ROBO2: variants seen among roughly 807,000 people sequenced by gnomAD.
ROBO2 encodes the protein roundabout homolog 2.
A neutral mutation model predicts 160.8 loss-of-function variants in ROBO2; 53 were observed. That is an observed-to-expected ratio of 0.33 (90% CI 0.26 to 0.41). The LOEUF is 0.41. Among genes scored for constraint, ROBO2 ranks in the 10% least tolerant of loss-of-function variants. ROBO2 has a pLI of 1.00. For synonymous variants in ROBO2, 664 were observed against 611.7 expected (o/e 1.09, Z -1.26); for missense variants, 1,577 against 1,722.4 (o/e 0.92, Z 1.49).
Position 76,381,359 on chromosome 3 carries a change from T to C in ROBO2, c.109+443757T>C, listed in dbSNP as rs193194262. Among the ~76,000 whole-genome samples the C allele has an allele frequency of 1.8e-4, 27 of 149,544 alleles. No homozygotes were observed. In the East Asian group the frequency reaches 5.0e-3, roughly 28 times the overall value. On this transcript the variant is annotated intron_variant, in intron 2 of 26. Coordinates refer to the ROBO2 transcript ENST00000487694. ...CTATTATTATTATTTTATTTTGTTA[T>C]TATTTTTTTGAGATGGAGTCTCGCT...
intron 2 of ROBO2, among the ~76,000 whole-genome samples, chr3:76,697,534 C>A (rs2092952714): frequency 6.6e-6 from 1 of 152,094 alleles, no homozygotes; most frequent in South Asian, 2.1e-4. Flanking sequence ...GTGGTCCCAG[C>A]TACTCAGGAG....
At chr3:76,321,298 C>T (rs1380016134) in intron 2 of ROBO2, among the ~76,000 whole-genome samples, 3 of 152,138 alleles carry the variant, frequency 2.0e-5, no homozygotes, top group Non-Finnish European at 2.9e-5. Flanking sequence ...GGGCGGATCA[C>T]GAGGTCAAGA....
At chr3:76,194,311 CTT>C (rs1454790019) in intron 2 of ROBO2, among the ~76,000 whole-genome samples, 1 of 135,480 alleles carries the variant, frequency 7.4e-6, no homozygotes, top group Non-Finnish European at 1.6e-5. Flanking sequence ...TCTCTCCTCT[CTT>C]TTTATGTATA....
rs538682659 is a variant in ROBO2, at chr3:76,705,090, G to A, written c.110-392924G>A. Among the ~76,000 whole-genome samples, 70 of 152,182 alleles carry A rather than the reference G, an allele frequency of 4.6e-4. No homozygotes were observed. In the South Asian group the frequency reaches 7.1e-3, roughly 15 times the overall value. ...CAAAGCAGTCACGGACAATAGGTAAGTGAATGAGATTTTAGTTACACAAAT... is the reference window on the plus strand; with the variant it reads ...CAAAGCAGTCACGGACAATAGGTAAATGAATGAGATTTTAGTTACACAAAT... On this transcript the variant is annotated intron_variant, in intron 2 of 26. Transcript: ENST00000487694.
chr3:77,119,882 T>G (rs75209318), intron 2 of ROBO2, among the ~76,000 whole-genome samples: 1 of 152,234 alleles, frequency 6.6e-6, no homozygotes, highest in Non-Finnish European at 1.5e-5. Context: ...CAGTTTCATA[T>G]AGTAAAATGT....
intron 2 of ROBO2, among the ~76,000 whole-genome samples, chr3:76,950,754 TCTCA>T (rs1315791567): frequency 6.6e-6 from 1 of 152,138 alleles, no homozygotes; most frequent in Admixed American, 6.5e-5. Context: ...TGAGACAGGT[TCTCA>T]CTCTGTTGCC....
At chr3:77,571,490 T>C (rs2093635387) in intron 13 of ROBO2, among the ~76,000 whole-genome samples, 1 of 152,130 alleles carries the variant, frequency 6.6e-6, no homozygotes, top group Non-Finnish European at 1.5e-5. Context: ...ATATGGGTAT[T>C]ATGTGAGCAA....
upstream of ROBO2, among the ~76,000 whole-genome samples, chr3:77,038,503 G>T (rs1022944216): frequency 3.3e-5 from 5 of 152,048 alleles, no homozygotes; most frequent in Non-Finnish European, 7.3e-5. Flanking sequence ...GCACCAAAAC[G>T]TATCCACCAA....
At chr3:76,210,238 A>C (rs1044004164) in intron 2 of ROBO2, among the ~76,000 whole-genome samples, 7 of 152,146 alleles carry the variant, frequency 4.6e-5, no homozygotes, top group African/African-American at 7.2e-5. Context: ...AAATAAAAAA[A>C]CACATATTTC....
chr3:77,018,731 C>T (rs1349480942), intron 2 of ROBO2, among the ~76,000 whole-genome samples: 1 of 152,014 alleles, frequency 6.6e-6, no homozygotes, highest in Non-Finnish European at 1.5e-5. Flanking sequence ...AAATGGTTTG[C>T]AAAAATGTTC....
chr3:75,983,700 C>T (rs2065339635), intron 2 of ROBO2, among the ~76,000 whole-genome samples: 1 of 151,190 alleles, frequency 6.6e-6, no homozygotes, highest in Non-Finnish European at 1.5e-5. Context: ...TCCTAGATTT[C>T]CTAACTGAAT....
intron 2 of ROBO2, among the ~76,000 whole-genome samples, chr3:77,001,283 T>C (rs972075442): frequency 2.2e-4 from 34 of 152,178 alleles, no homozygotes; most frequent in Non-Finnish European, 4.3e-4. Context: ...ATCAGAGTTT[T>C]GGCTGCAAAA....
chr3:76,367,754 G>A (rs2075897825), intron 2 of ROBO2, among the ~76,000 whole-genome samples: 1 of 151,848 alleles, frequency 6.6e-6, no homozygotes. Context: ...TTTTCAAAAT[G>A]AGTACTGTGA....
At chr3:77,214,415 T>C (rs2084636743) in intron 2 of ROBO2, among the ~76,000 whole-genome samples, 1 of 152,212 alleles carries the variant, frequency 6.6e-6, no homozygotes, top group Non-Finnish European at 1.5e-5. Flanking sequence ...TGCCTTTTTT[T>C]GTTTTCCATT....
intron 2 of ROBO2, among the ~76,000 whole-genome samples, chr3:76,250,560 A>G (rs1705929231): frequency 1.3e-5 from 2 of 152,046 alleles, no homozygotes; most frequent in African/African-American, 4.8e-5. Context: ...CCCATCTGAC[A>G]TGTGCTAGCA....
chr3:76,423,775 G>A (rs2076095143), intron 2 of ROBO2, among the ~76,000 whole-genome samples: 1 of 152,154 alleles, frequency 6.6e-6, no homozygotes, highest in East Asian at 1.9e-4. Context: ...TGGAGTTCAT[G>A]GATAGTCATC....
chr3:76,912,977 C>T (rs2076083951), intron 2 of ROBO2, among the ~76,000 whole-genome samples: 2 of 151,902 alleles, frequency 1.3e-5, no homozygotes. Context: ...AGGTCTTATA[C>T]GTCCAAAGAG....
At chr3:76,350,578 C>A (rs570988557) in intron 2 of ROBO2, among the ~76,000 whole-genome samples, 1 of 151,940 alleles carries the variant, frequency 6.6e-6, no homozygotes, top group South Asian at 2.1e-4. Context: ...ATATAAATAC[C>A]AATGTTAAAA....
chr3:77,401,578 G>A (rs1243713265), intron 2 of ROBO2, among the ~76,000 whole-genome samples: 2 of 151,662 alleles, frequency 1.3e-5, no homozygotes, highest in Non-Finnish European at 3.0e-5. Flanking sequence ...AAACTTGGTG[G>A]CCTTTAGAAA....
Sources: gnomAD v4.1 joint callset for allele counts (sites outside exome capture counted in the v4.1 genomes callset) on GRCh38, gnomAD v4.1.1 for gene constraint, MANE v1.5 for transcripts, NCBI Gene and HGNC (gene_info 2026-07-23, HGNC 2026-07-21) for gene names.